PIGL: variants seen among roughly 807,000 people sequenced by gnomAD.
PIGL encodes N-acetylglucosaminyl-phosphatidylinositol de-N-acetylase.
Under a neutral mutation model 31.1 loss-of-function variants are expected in PIGL, and 22 were observed. The observed-to-expected ratio is 0.71, with a 90% CI of 0.51 to 1.01. The LOEUF (loss-of-function observed/expected upper bound fraction) is 1.01. PIGL is among the 50% of genes least tolerant of loss of function. The probability of loss-of-function intolerance (pLI) is 0.00; values close to 1 mark genes in which losing one functional copy is unlikely to be tolerated. For synonymous variants in PIGL, 131 were observed against 117.4 expected (o/e 1.12, Z -0.75); for missense variants, 302 against 315.9 (o/e 0.96, Z 0.33).
intron 2 of PIGL, among the ~76,000 whole-genome samples, chr17:16,288,541 TTTTTC>T (rs2092947567): frequency 1.8e-5 from 2 of 110,232 alleles, no homozygotes; most frequent in Non-Finnish European, 2.0e-5. Flanking sequence ...CTTTTTTTTC[TTTTTC>T]TTTTTTTTTG....
At chr17:16,276,520 G>C (rs1417833302) in intron 2 of PIGL, among the ~76,000 whole-genome samples, 1 of 152,204 alleles carries the variant, frequency 6.6e-6, no homozygotes, top group African/African-American at 2.4e-5. Context: ...ATCACCTGAG[G>C]TCAAGAGTTT....
chr17:16,246,327 C>T (rs1434704837), intron 2 of PIGL, among the ~76,000 whole-genome samples: 1 of 151,436 alleles, frequency 6.6e-6, no homozygotes, highest in African/African-American at 2.4e-5. Flanking sequence ...TCCTGGCCAA[C>T]ACGGTGAAAC....
chr17:16,220,477 GTTATTTTTTTT>G (rs1416845796), intron 1 of PIGL, among the ~76,000 whole-genome samples: 5 of 70,054 alleles, frequency 7.1e-5, no homozygotes, highest in African/African-American at 2.5e-4. Flanking sequence ...TTTTTAAATT[GTTATTTTTTTT>G]TTTTTTTTTT....
At chr17:16,302,936 T>A (rs1485521824) in intron 3 of PIGL, among the ~76,000 whole-genome samples, 3 of 152,166 alleles carry the variant, frequency 2.0e-5, no homozygotes, top group Non-Finnish European at 4.4e-5. Context: ...AAATCCTCTA[T>A]AATCTGACCC....
chr17:16,273,839 A>C (rs571992031), intron 2 of PIGL, among the ~76,000 whole-genome samples: 1 of 152,330 alleles, frequency 6.6e-6, no homozygotes, highest in East Asian at 1.9e-4. Flanking sequence ...AAGGGGGGAA[A>C]CATTTCTTTG....
intron 2 of PIGL, among the ~76,000 whole-genome samples, chr17:16,235,137 A>C (rs1291976121): frequency 6.6e-6 from 1 of 152,186 alleles, no homozygotes; most frequent in African/African-American, 2.4e-5. Flanking sequence ...CTTTTCATCT[A>C]GCTACAGACA....
At chr17:16,319,527 G>A (rs1393455607) in intron 6 of PIGL, among the ~76,000 whole-genome samples, 14 of 152,146 alleles carry the variant, frequency 9.2e-5, no homozygotes, top group Non-Finnish European at 2.1e-4. Flanking sequence ...GGCCGAGACA[G>A]GCAGATTGTC....
At chr17:16,319,416 G>C (rs1200860106) in intron 6 of PIGL, among the ~76,000 whole-genome samples, 1 of 152,030 alleles carries the variant, frequency 6.6e-6, no homozygotes, top group East Asian at 1.9e-4. Context: ...GATGCTCCCA[G>C]CTTGAGTTTA....
At chr17:16,272,132 T>C (rs1434799948) in intron 2 of PIGL, among the ~76,000 whole-genome samples, 1 of 152,214 alleles carries the variant, frequency 6.6e-6, no homozygotes, top group South Asian at 2.1e-4. Context: ...TTCCCTACTG[T>C]GAGCTTGCTT....
chr17:16,309,512 C>G (rs1423530583), intron 3 of PIGL, among the ~76,000 whole-genome samples: 1 of 151,766 alleles, frequency 6.6e-6, no homozygotes, highest in Non-Finnish European at 1.5e-5. Flanking sequence ...CCTGTAATCA[C>G]AGCACCTTGG....
chr17:16,318,568 G>A (rs1183947281), intron 6 of PIGL, among the ~76,000 whole-genome samples: 1 of 151,880 alleles, frequency 6.6e-6, no homozygotes, highest in African/African-American at 2.4e-5. Flanking sequence ...ACTGTGCCCA[G>A]CCCTACTCTT....
At chr17:16,256,748 G>A (rs2092795451) in intron 2 of PIGL, among the ~76,000 whole-genome samples, 1 of 151,918 alleles carries the variant, frequency 6.6e-6, no homozygotes, top group African/African-American at 2.4e-5. Flanking sequence ...TCACTGGAGT[G>A]CAGTGGTGCA....
chr17:16,317,206 T>G, intron 5 of PIGL: 1 of 1,005,092 alleles, frequency 9.9e-7, no homozygotes, highest in Non-Finnish European at 1.2e-6. Flanking sequence ...AATACGAAGA[T>G]TCAATGAATG....
chr17:16,225,449 C>T (rs1226295451), intron 1 of PIGL, among the ~76,000 whole-genome samples: 1 of 140,374 alleles, frequency 7.1e-6, no homozygotes, highest in Non-Finnish European at 1.5e-5. Flanking sequence ...AGTGCAGTGG[C>T]ACAATCTCAG....
At chr17:16,225,874 G>C (rs1224093055) in intron 1 of PIGL, among the ~76,000 whole-genome samples, 1 of 151,898 alleles carries the variant, frequency 6.6e-6, no homozygotes, top group African/African-American at 2.4e-5. Context: ...AGACCTTGTA[G>C]CTTAAAACCA....
chr17:16,313,926 A>G (rs1322524061), intron 4 of PIGL, among the ~76,000 whole-genome samples: 1 of 152,198 alleles, frequency 6.6e-6, no homozygotes, highest in African/African-American at 2.4e-5. Context: ...CTTGAGGGCC[A>G]AATTTGCAAG....
chr17:16,243,960 G>A (rs1248287032), intron 2 of PIGL, among the ~76,000 whole-genome samples: 2 of 152,182 alleles, frequency 1.3e-5, no homozygotes, highest in Admixed American at 6.5e-5. Context: ...TGGGTGGGGC[G>A]AAGCCAGTGA....
At chr17:16,250,074 G>C (rs766031206) in intron 2 of PIGL, among the ~76,000 whole-genome samples, 1 of 152,136 alleles carries the variant, frequency 6.6e-6, no homozygotes, top group African/African-American at 2.4e-5. Context: ...AGCCTCCCAA[G>C]TCGCTGGGAT....
At chr17:16,316,382 A>T (rs1004792171) in intron 4 of PIGL, among the ~76,000 whole-genome samples, 1 of 152,240 alleles carries the variant, frequency 6.6e-6, no homozygotes, top group Non-Finnish European at 1.5e-5. Context: ...AACTATGAAG[A>T]GTCCAGCACA....
Sources: gnomAD v4.1 joint callset for allele counts (sites outside exome capture counted in the v4.1 genomes callset) on GRCh38, gnomAD v4.1.1 for gene constraint, MANE v1.5 for transcripts, NCBI Gene and HGNC (gene_info 2026-07-23, HGNC 2026-07-21) for gene names.